Variants in SLF1 observed in about 807,000 individuals in gnomAD.
SLF1 encodes the protein SMC5-SMC6 complex localization factor protein 1.
SLF1 carries 105 observed loss-of-function variants against 123.0 expected under a neutral mutation model. That is an observed-to-expected ratio of 0.85 (90% confidence interval 0.73 to 1.00). SLF1 has a LOEUF of 1.00. Ranked by LOEUF, SLF1 falls within the 50% of genes least tolerant of loss-of-function variation. The probability of loss-of-function intolerance (pLI) is 0.00; values close to 1 mark genes in which losing one functional copy is unlikely to be tolerated. For synonymous variants in SLF1, 434 were observed against 406.6 expected, an observed-to-expected ratio of 1.07 and a Z score of -0.81; for missense variants, 1,239 against 1,223.0, an observed-to-expected ratio of 1.01 and a Z score of -0.20.
At position 94,654,731 on chromosome 5, in the gene SLF1, G is replaced by A. The variant is rs1748169908; in HGVS notation, c.1134G>A (p.Arg378=). 1 of 1,538,218 alleles carries A rather than the reference G, an allele frequency of 6.5e-7. No individual in the cohort carries two copies. Residue 378 remains arginine (R), a synonymous_variant, in exon 9 of 21, where the codon AGG becomes AGA. Transcript: ENST00000265140. ...TTGTTGAAATAAAAAATACCTTAAG[G>A]AAGCACATATATAGAGCTCAGGTAA... ...VDVVEIKNTL[R]KHIYRAQAVR...
intron 14 of SLF1, 163 bp from the exon 15 acceptor site, chr5:94,678,645 G>C (rs1297384446): frequency 1.8e-6 from 1 of 555,342 alleles, no homozygotes; most frequent in African/African-American, 1.9e-5. Flanking sequence ...AGATGGAGGG[G>C]AGAGAATTAG....
intron 1 of SLF1, among the ~76,000 whole-genome samples, chr5:94,622,716 TTAAATA>T (rs1791907264): frequency 2.0e-5 from 3 of 152,114 alleles, no homozygotes; most frequent in Non-Finnish European, 1.5e-5. Context: ...ACTTTAGTTC[TTAAATA>T]TAAATATATA....
At chr5:94,620,241 A>T (rs1341434767) in intron 1 of SLF1, 4 of 152,234 alleles carry the variant, frequency 2.6e-5, no homozygotes, top group East Asian at 3.8e-4. Context: ...AGTCAATTTT[A>T]TTGTAAAGAC....
chr5:94,650,083 A>G (rs1360532139), intron 6 of SLF1, among the ~76,000 whole-genome samples: 3 of 152,302 alleles, frequency 2.0e-5, no homozygotes, highest in East Asian at 1.9e-4. Flanking sequence ...GAAAGCACAT[A>G]TGGTATGGTG....
chr5:94,650,567 T>C (rs1477956837), intron 6 of SLF1, among the ~76,000 whole-genome samples: 1 of 152,168 alleles, frequency 6.6e-6, no homozygotes, highest in Non-Finnish European at 1.5e-5. Flanking sequence ...GGTTTCACCA[T>C]GTTAACCAGG....
chr5:94,661,922 A>G (rs1749169499), intron 9 of SLF1, among the ~76,000 whole-genome samples: 1 of 145,002 alleles, frequency 6.9e-6, no homozygotes, highest in Non-Finnish European at 1.6e-5. Context: ...GTTTTAAAAC[A>G]ATAAGATTTG....
At chr5:94,660,053 G>A (rs1269491140) in intron 9 of SLF1, among the ~76,000 whole-genome samples, 1 of 152,166 alleles carries the variant, frequency 6.6e-6, no homozygotes, top group African/African-American at 2.4e-5. Context: ...TGTTTGCATA[G>A]GTGCTCCTGG....
chr5:94,629,264 C>G (rs904385441), intron 3 of SLF1, 97 bp downstream of exon 3: 18 of 809,512 alleles, frequency 2.2e-5, no homozygotes, highest in African/African-American at 3.5e-5. Context: ...ACATATCAAA[C>G]CTAAATGTGT....
chr5:94,647,676 T>C (rs1386147700), intron 5 of SLF1, among the ~76,000 whole-genome samples: 1 of 152,228 alleles, frequency 6.6e-6, no homozygotes, highest in Non-Finnish European at 1.5e-5. Flanking sequence ...AAGATACTTA[T>C]AAGGAATAAA....
chr5:94,679,341 C>T (rs1751483183), intron 15 of SLF1, among the ~76,000 whole-genome samples: 2 of 152,154 alleles, frequency 1.3e-5, no homozygotes, highest in African/African-American at 4.8e-5. Flanking sequence ...CCTGTAATCC[C>T]AACCTACTTT....
chr5:94,654,679 C>T lies in SLF1; in HGVS notation c.1082C>T (p.Ala361Val). The change falls in exon 9 of 21, where the codon GCC becomes GTC. Residue 361 changes from alanine (A) to valine (V), a missense_variant. Ala to Val is a moderately conservative substitution (Grantham distance 64). Transcript: ENST00000265140. ...GCTGAATATGCCAAAGAATCAAAAG[C>T]CATGGCTATTAAGACAGATGTGGAT... ...IFAEYAKESKAMAIKTDVDVV... is the reference protein window; with the variant it reads ...IFAEYAKESKVMAIKTDVDVV... 1 of 1,544,328 alleles carries T rather than the reference C, an allele frequency of 6.5e-7. No homozygotes were observed. The highest frequency in any genetic ancestry group is 1.2e-5 in the South Asian group (1 of 83,016).
At chr5:94,673,513 C>CA (rs559807447) in intron 14 of SLF1, among the ~76,000 whole-genome samples, 119 of 151,254 alleles carry the variant, frequency 7.9e-4, no homozygotes, top group Non-Finnish European at 1.3e-3. Flanking sequence ...CCATCTCTAC[C>CA]AAAAAAACAA....
At chr5:94,682,380 A>G (rs1418026742) in intron 15 of SLF1, among the ~76,000 whole-genome samples, 1 of 151,924 alleles carries the variant, frequency 6.6e-6, no homozygotes, top group East Asian at 1.9e-4. Context: ...AAAATCATTT[A>G]TTTTGCATTA....
rs1240526623 is a variant in SLF1 at position 94,697,214 on chromosome 5, G to A, written c.*1902G>A. On this transcript the variant is annotated 3_prime_UTR_variant, in exon 21 of 21. Transcript: ENST00000265140. Reference sequence around the variant, plus strand: ...TAAGAAGTTTTACACTTCTTCGAAAGTCCAACGTGGCAAACATAGGTTACT... The same window carrying A: ...TAAGAAGTTTTACACTTCTTCGAAAATCCAACGTGGCAAACATAGGTTACT... The A allele has an allele frequency of 2.0e-5, 3 of 151,874 alleles. No individual in the cohort carries two copies. The allele number at this position is 151,874 out of a possible 1,614,324, so 9.4% of individuals were successfully genotyped here.
chr5:94,658,152 G>GGT, intron 9 of SLF1, among the ~76,000 whole-genome samples: 1 of 143,224 alleles, frequency 7.0e-6, no homozygotes, highest in Non-Finnish European at 1.5e-5. Context: ...ATTGCAGTTG[G>GGT]GTGTTTTTTG....
chr5:94,651,614 A>T, intron 6 of SLF1, 88 bp from the exon 7 acceptor site: 1 of 1,073,092 alleles, frequency 9.3e-7, no homozygotes, highest in East Asian at 3.2e-5. Flanking sequence ...ATGTTCCTGG[A>T]TGGGTTTTTC....
intron 1 of SLF1, among the ~76,000 whole-genome samples, chr5:94,619,143 C>T (rs1266139075): frequency 6.6e-6 from 1 of 152,172 alleles, no homozygotes; most frequent in Non-Finnish European, 1.5e-5. Context: ...CTCTCGTTTC[C>T]ATAGAACCCA....
At chr5:94,688,236 T>A (rs1752677865) in intron 16 of SLF1, among the ~76,000 whole-genome samples, 1 of 152,048 alleles carries the variant, frequency 6.6e-6, no homozygotes, top group Non-Finnish European at 1.5e-5. Context: ...ATAAGACTAA[T>A]CAAAAGAGCT....
intron 1 of SLF1, among the ~76,000 whole-genome samples, chr5:94,619,609 ATTT>A (rs959454442): frequency 1.4e-5 from 2 of 141,084 alleles, no homozygotes; most frequent in African/African-American, 2.6e-5. Flanking sequence ...TTATTAAAAA[ATTT>A]TGTTGTTGTT....
Sources: allele counts gnomAD v4.1 joint callset (sites outside exome capture counted in the v4.1 genomes callset), GRCh38; gene constraint gnomAD v4.1.1; transcripts MANE v1.5; gene names NCBI Gene and HGNC (gene_info 2026-07-23, HGNC 2026-07-21).